The following FAT3 variants were observed in gnomAD, a reference collection of about 807,000 sequenced individuals.
FAT3 encodes the protein FAT atypical cadherin 3.
In FAT3, 95 loss-of-function variants were observed where a neutral mutation model predicts 310.2. That is an observed-to-expected ratio of 0.31 (90% CI 0.26 to 0.36). The LOEUF (loss-of-function observed/expected upper bound fraction) is 0.36. Ranked by LOEUF, FAT3 falls within the 10% of genes least tolerant of loss-of-function variation. The pLI, the probability that FAT3 is intolerant of heterozygous loss-of-function variation, is 1.00. For missense variants in FAT3, 5,408 were observed against 5,715.6 expected, an observed-to-expected ratio of 0.95 and a Z score of 1.74; for synonymous variants, 2,314 against 2,192.9, an observed-to-expected ratio of 1.06 and a Z score of -1.54.
intron 1 of FAT3, among the ~76,000 whole-genome samples, chr11:92,242,988 T>C (rs1864728000): frequency 6.6e-6 from 1 of 152,010 alleles, no homozygotes; most frequent in Non-Finnish European, 1.5e-5. Context: ...TTTTTAATTG[T>C]GGTAAAATCT....
At chr11:92,439,181 A>G (rs1020588741) in intron 2 of FAT3, among the ~76,000 whole-genome samples, 1 of 152,326 alleles carries the variant, frequency 6.6e-6, no homozygotes, top group East Asian at 1.9e-4. Context: ...CCGTTGTTGC[A>G]CAAATATTAA....
chr11:92,368,883 C>CATAT (rs1398251746), intron 2 of FAT3, among the ~76,000 whole-genome samples: 51 of 131,330 alleles, frequency 3.9e-4, no homozygotes, highest in African/African-American at 1.8e-3. Flanking sequence ...CACATATACA[C>CATAT]ATATATATAC....
At position 92,883,219 on chromosome 11, in the gene FAT3, G is replaced by A. The variant is rs200588829; in HGVS notation, c.12763G>A (p.Gly4255Arg). ...GAGCAACCTGGATAAGATCGTGGAC[G>A]GGCTGGGAGGCGAGCACCAGGAAAT... ...SRSNLDKIVD[G>R]LGGEHQEMTT... Residue 4255 changes from glycine (G) to arginine (R), a missense_variant, in exon 24 of 28, where the codon GGG (glycine) becomes AGG (arginine). Gly to Arg is a moderately radical substitution (Grantham distance 125). Coordinates refer to ENST00000525166, the MANE Select transcript of FAT3 (RefSeq NM_001367949.2). This position sits in a 1 kb window ranked among gnomAD's most constrained non-coding sequence, Gnocchi z 4.2. 103 of 1,613,152 alleles carry A rather than the reference G, an allele frequency of 6.4e-5. No homozygotes were observed. In the East Asian group the frequency reaches 2.1e-3, roughly 32 times the overall value.
chr11:92,553,519 A>G (rs956699844), intron 3 of FAT3, among the ~76,000 whole-genome samples: 3 of 152,196 alleles, frequency 2.0e-5, no homozygotes, highest in African/African-American at 7.2e-5. Context: ...TCAACTTTAG[A>G]ATGTGAGAAG....
intron 2 of FAT3, 128 bp from the exon 3 acceptor site, chr11:92,524,506 C>G: frequency 1.3e-6 from 1 of 764,182 alleles, no homozygotes; most frequent in Non-Finnish European, 2.1e-6. Flanking sequence ...CTTAATTTAA[C>G]CTTATGTTAT....
At chr11:92,722,242 A>G (rs1291882400) in intron 4 of FAT3, among the ~76,000 whole-genome samples, 3 of 152,180 alleles carry the variant, frequency 2.0e-5, no homozygotes, top group Non-Finnish European at 4.4e-5. Context: ...GCCATTCCAA[A>G]TGGGAGAAAT....
intron 9 of FAT3, among the ~76,000 whole-genome samples, chr11:92,794,711 TC>T (rs1176680116): frequency 1.3e-5 from 2 of 151,834 alleles, no homozygotes; most frequent in Non-Finnish European, 2.9e-5. Context: ...AACCCAAACT[TC>T]CAGAAAACCA....
At chr11:92,484,365 A>T (rs1163726677) in intron 2 of FAT3, among the ~76,000 whole-genome samples, 3 of 152,140 alleles carry the variant, frequency 2.0e-5, no homozygotes, top group Non-Finnish European at 4.4e-5. Flanking sequence ...ACTATTTCCT[A>T]GTGTTTGACT....
chr11:92,707,809 A>G (rs528482392), intron 4 of FAT3, among the ~76,000 whole-genome samples: 1 of 152,222 alleles, frequency 6.6e-6, no homozygotes, highest in Non-Finnish European at 1.5e-5. Context: ...ACTGAAGCTC[A>G]TGCCTAATGT....
rs182578178 is a variant in FAT3 at position 92,372,869 on chromosome 11, C to T, written c.3292+17465C>T. On this transcript the variant is annotated intron_variant, in intron 2 of 27. Transcript: ENST00000525166. Reference sequence around the variant, plus strand: ...TAGAGATGGGATTTCATCGTGTTAGCCAGGATGGTCTGGATCTCCTGACCT... The same window carrying T: ...TAGAGATGGGATTTCATCGTGTTAGTCAGGATGGTCTGGATCTCCTGACCT... Among the ~76,000 whole-genome samples, 201 of 152,136 alleles carry T rather than the reference C, an allele frequency of 1.3e-3. 2 individuals are homozygous for T. Among genetic ancestry groups the T allele is most frequent in the African/African-American group, 4.7e-3 (197 of 41,488 alleles).
Position 92,799,121 on chromosome 11 carries a change from G to A in FAT3, c.6108G>A (p.Gln2036=), listed in dbSNP as rs1162752320. 6.2e-7 allele frequency: 1 copy of A among 1,613,860 alleles called. No individual in the cohort carries two copies. Among genetic ancestry groups the A allele is most frequent in the African/African-American group, 1.3e-5 (1 of 74,940 alleles). ...FKIKSTSGVI[Q]TTGVPFDREE... is the part of the protein sequence containing the mutation. ...TAAAATCTACCTCAGGGGTCATTCA[G>A]ACGACTGGAGTCCCCTTTGACCGTG... The change falls in exon 10 of 28, where the codon CAG becomes CAA. Residue 2036 remains glutamine, a synonymous_variant. Transcript: ENST00000525166.
At chr11:92,661,323 A>G (rs1942772211) in intron 3 of FAT3, among the ~76,000 whole-genome samples, 1 of 152,214 alleles carries the variant, frequency 6.6e-6, no homozygotes, top group Non-Finnish European at 1.5e-5. Context: ...AGATGGTCAC[A>G]TGAAGCCGAC....
chr11:92,764,823 ACT>A, intron 5 of FAT3, 54 bp from the exon 6 acceptor site: 2 of 1,528,384 alleles, frequency 1.3e-6, no homozygotes, highest in Middle Eastern at 2.1e-4. Flanking sequence ...ACAGATCCAA[ACT>A]CTACAACAAT....
At chr11:92,610,404 T>G (rs190475603) in intron 3 of FAT3, among the ~76,000 whole-genome samples, 31 of 152,330 alleles carry the variant, frequency 2.0e-4, no homozygotes, top group Admixed American at 1.9e-3. Flanking sequence ...TTTGATAATG[T>G]TTATTTATGT....
In FAT3 at chr11:92,883,509, C is replaced by T; in HGVS notation, c.12937+116C>T. On this transcript the variant is annotated intron_variant, in intron 24 of 27. Transcript: ENST00000525166. This position sits in a 1 kb window ranked among gnomAD's most constrained non-coding sequence, Gnocchi z 4.2. ...CCCGCATGCAGAGCATTCGCTATGA[C>T]ATGTGCTGATGTCGAATGTGCACAC... 7.5e-7 allele frequency: 1 copy of T among 1,334,836 alleles called. No individual in the cohort carries two copies. The highest frequency in any genetic ancestry group is 1.5e-5 in the South Asian group (1 of 67,058). The allele number at this position is 1,334,836 out of a possible 1,614,324, so 82.7% of individuals were successfully genotyped here. A position where few individuals can be genotyped will look rare whatever the true frequency, so the allele number is the denominator to read the frequency against.
chr11:92,730,788 C>A (rs918328428), intron 4 of FAT3, among the ~76,000 whole-genome samples: 1 of 152,110 alleles, frequency 6.6e-6, no homozygotes, highest in African/African-American at 2.4e-5. Flanking sequence ...CTGAAAAATG[C>A]CCATTTATGT....
chr11:92,417,126 C>T (rs1950434361), intron 2 of FAT3, among the ~76,000 whole-genome samples: 1 of 152,162 alleles, frequency 6.6e-6, no homozygotes, highest in African/African-American at 2.4e-5. Flanking sequence ...TTTTGCATAA[C>T]CTGCTGTTTT....
intron 4 of FAT3, among the ~76,000 whole-genome samples, chr11:92,719,457 C>G (rs1944791786): frequency 6.6e-6 from 1 of 151,686 alleles, no homozygotes; most frequent in African/African-American, 2.4e-5. Flanking sequence ...AAGTCCCTTA[C>G]ATAAAATGAT....
rs548303208 is a variant in FAT3 at position 92,468,733 on chromosome 11, G to C, written c.3293-55901G>C. ...TCTGGCAGCAGCAAGGAGAAGTGCAGAGTGAAGGGGTGGGGAAACTCCCTT... is the reference window on the plus strand; with the variant it reads ...TCTGGCAGCAGCAAGGAGAAGTGCACAGTGAAGGGGTGGGGAAACTCCCTT... On this transcript the variant is annotated intron_variant, in intron 2 of 27. Coordinates refer to ENST00000525166, the MANE Select transcript of FAT3 (RefSeq NM_001367949.2). 2.0e-5 allele frequency among the ~76,000 whole-genome samples: 3 copies of C among 152,276 alleles called. No homozygotes were observed. In the South Asian group the frequency reaches 6.2e-4, roughly 32 times the overall value.
Sources: allele counts gnomAD v4.1 joint callset (sites outside exome capture counted in the v4.1 genomes callset), GRCh38; gene constraint gnomAD v4.1.1; non-coding constraint Gnocchi (gnomAD v3.1); transcripts MANE v1.5; gene names NCBI Gene and HGNC (gene_info 2026-07-23, HGNC 2026-07-21).